NFYA: variants seen among roughly 807,000 people sequenced by gnomAD.
NFYA encodes the protein nuclear transcription factor Y subunit alpha, also known as CAAT-box DNA binding protein subunit A.
In NFYA, 28 loss-of-function variants were observed where a neutral mutation model predicts 52.8. The observed-to-expected ratio is 0.53, with a 90% CI of 0.39 to 0.73. The LOEUF is 0.73. Among genes scored for constraint, NFYA ranks in the 30% least tolerant of loss-of-function variants. NFYA has a pLI of 0.00. For missense variants in NFYA, 234 were observed against 427.0 expected (o/e 0.55, Z 3.98); for synonymous variants, 150 against 150.7 (o/e 1.00, Z 0.03).
At chr6:41,075,457 G>A (rs1378569286) in intron 1 of NFYA, 2 of 151,568 alleles carry the variant, frequency 1.3e-5, no homozygotes, top group East Asian at 1.9e-4. Context: ...TTATAATCTG[G>A]TAACTTTTTT....
chr6:41,078,747 G>A (rs981939521), intron 1 of NFYA, among the ~76,000 whole-genome samples: 10 of 152,174 alleles, frequency 6.6e-5, no homozygotes, highest in African/African-American at 2.4e-4. Flanking sequence ...TCAAAGTGAT[G>A]TAGCTTAACG....
At chr6:41,079,208 A>AT (rs1561850507) in intron 2 of NFYA, 44 bp downstream of exon 2, 1 of 1,558,822 alleles carries the variant, frequency 6.4e-7, no homozygotes, top group Non-Finnish European at 8.9e-7. Flanking sequence ...AATGAAACTG[A>AT]TAACAGCACC....
In NFYA at chr6:41,081,415, A is replaced by G. The variant is rs578049250; in HGVS notation, c.162+518A>G. Among the ~76,000 whole-genome samples, 632 of 152,114 alleles carry G rather than the reference A, an allele frequency of 4.2e-3. 4 individuals are homozygous for G. The highest frequency in any genetic ancestry group is 0.014 in the African/African-American group (564 of 41,496). On this transcript the variant is annotated intron_variant, in intron 3 of 9. Transcript: ENST00000341376. ...TGGAGCAGGAGAATGGCGTGAACCC[A>G]GGAGGCAGAGCTTGCAGTGAGCAGA... is the stretch of plus-strand genomic sequence containing the variant.
At chr6:41,073,977 A>T (rs1275340989) in intron 1 of NFYA, among the ~76,000 whole-genome samples, 4 of 152,028 alleles carry the variant, frequency 2.6e-5, no homozygotes, top group African/African-American at 9.7e-5. Context: ...CTGGAACCTC[A>T]CTCTTAGAAG....
intron 3 of NFYA, among the ~76,000 whole-genome samples, chr6:41,082,466 C>A (rs1763936128): frequency 6.6e-6 from 1 of 152,164 alleles, no homozygotes; most frequent in African/African-American, 2.4e-5. Flanking sequence ...GTTGTAAATA[C>A]AGTGAGCTCT....
In NFYA at chr6:41,097,340, G is replaced by A; in HGVS notation, c.991-17G>A. 1 of 1,613,686 alleles carries A rather than the reference G, an allele frequency of 6.2e-7. No individual in the cohort carries two copies. ...TTTTGCAAAGGACTTTAATCATCAT[G>A]TCATCTTTGTCTCTAGGATCCAAAC... On this transcript the variant is annotated splice_polypyrimidine_tract_variant and intron_variant, in intron 9 of 9. Transcript: ENST00000341376.
rs971241113 is a variant in NFYA at position 41,097,776 on chromosome 6, A to T, written c.*366A>T. On this transcript the variant is annotated 3_prime_UTR_variant, in exon 10 of 10. Transcript: ENST00000341376. ...GAACAACCTTCTCAACCAAAACTGC[A>T]ATCAGGAAAGCAGCAGCCCACTCCT... 1.0e-5 allele frequency: 2 copies of T among 194,554 alleles called. No individual in the cohort carries two copies. The highest frequency in any genetic ancestry group is 2.1e-5 in the Non-Finnish European group (2 of 93,048). The allele number at this position is 194,554 out of a possible 1,614,324, so 12.1% of individuals were successfully genotyped here. A position where few individuals can be genotyped will look rare whatever the true frequency, so the allele number is the denominator to read the frequency against.
rs1405847483 is a variant in NFYA at position 41,073,497 on chromosome 6, C to G, written c.-62+413C>G. Among the ~76,000 whole-genome samples the G allele has an allele frequency of 2.0e-5, 3 of 152,106 alleles. 1 individual carries two copies. The highest frequency in any genetic ancestry group is 2.0e-4 in the Admixed American group (3 of 15,284). ...TCCTCCTGGTCGTTCTGGCCGCAAA[C>G]TTAAACCTGCCCTTGCACTCTCCAC... On this transcript the variant is annotated intron_variant, in intron 1 of 9. Transcript: ENST00000341376.
intron 2 of NFYA, 42 bp from the exon 3 acceptor site, chr6:41,080,769 C>G (rs375120888): frequency 2.9e-5 from 44 of 1,530,066 alleles, no homozygotes; most frequent in Non-Finnish European, 3.8e-5. Flanking sequence ...CTACACATTT[C>G]CTTCCTGACA....
Position 41,097,522 on chromosome 6 carries a change from C to A in NFYA, c.*112C>A. 1.8e-6 allele frequency: 2 copies of A among 1,105,898 alleles called. No homozygotes were observed. The highest frequency in any genetic ancestry group is 2.7e-6 in the Non-Finnish European group (2 of 754,470). 68.5% of individuals were successfully genotyped at this position (1,105,898 alleles called of 1,614,324 possible). ...TCACATTCTGCCCTTTACTACAGGA[C>A]AGAAACCACTTAGTTTTTAATAAGT... On this transcript the variant is annotated 3_prime_UTR_variant, in exon 10 of 10. Transcript: ENST00000341376.
intron 1 of NFYA, among the ~76,000 whole-genome samples, chr6:41,073,401 C>T (rs1019973842): frequency 2.6e-5 from 4 of 151,928 alleles, no homozygotes; most frequent in African/African-American, 7.2e-5. Flanking sequence ...CCCAGGTTCT[C>T]AGGCCCCAGG....
At chr6:41,083,937 A>C (rs1763976459) in intron 3 of NFYA, 109 bp from the exon 4 acceptor site, 3 of 1,088,710 alleles carry the variant, frequency 2.8e-6, no homozygotes, top group Admixed American at 3.3e-5. Context: ...AGTCTTTTCT[A>C]CCTTTTCCTT....
rs75026772 is a variant in NFYA, at chr6:41,091,969, C to T, written c.714+275C>T. On this transcript the variant is annotated intron_variant, in intron 7 of 9. Coordinates refer to ENST00000341376, the MANE Select transcript of NFYA (RefSeq NM_002505.5). ...GGAATTCTTTTCAGAATTCAAATAACGAAGGGAATTATATACTAATCTTTG... is the reference window on the plus strand; with the variant it reads ...GGAATTCTTTTCAGAATTCAAATAATGAAGGGAATTATATACTAATCTTTG... 4.0e-3 allele frequency among the ~76,000 whole-genome samples: 610 copies of T among 151,940 alleles called. 9 individuals carry two copies. The highest frequency in any genetic ancestry group is 0.014 in the African/African-American group (573 of 41,426).
At chr6:41,094,610 C>G in intron 9 of NFYA, 113 bp downstream of exon 9, 2 of 719,770 alleles carry the variant, frequency 2.8e-6, no homozygotes, top group Middle Eastern at 2.5e-4. Context: ...CTCACATTCT[C>G]TAAACTGGAT....
Position 41,101,712 on chromosome 6 carries a change from G to T in NFYA, c.*4302G>T, listed in dbSNP as rs889971023. On this transcript the variant is annotated 3_prime_UTR_variant, in exon 10 of 10. Transcript: ENST00000341376. ...GGTTCTCTAGCCAGACATGAGGAGG[G>T]ATCCTATTGTTTCCCATAGCTAGGC... Among the ~76,000 whole-genome samples the T allele has an allele frequency of 6.6e-6, 1 of 152,174 alleles. No homozygotes were observed. Among genetic ancestry groups the T allele is most frequent in the Non-Finnish European group, 1.5e-5 (1 of 68,032 alleles).
chr6:41,096,414 A>G (rs1009661236), intron 9 of NFYA, among the ~76,000 whole-genome samples: 60 of 152,358 alleles, frequency 3.9e-4, no homozygotes, highest in Admixed American at 2.9e-3. Flanking sequence ...TGTGCTAACA[A>G]TATGATCTTG....
At chr6:41,089,737 G>A (rs911522413) in intron 5 of NFYA, 27 bp downstream of exon 5, 2 of 1,604,462 alleles carry the variant, frequency 1.2e-6, no homozygotes, top group Non-Finnish European at 1.7e-6. Context: ...TGTCACACAG[G>A]AGCAAAACTG....
At chr6:41,084,832 C>T (rs1478063714) in intron 4 of NFYA, among the ~76,000 whole-genome samples, 5 of 152,058 alleles carry the variant, frequency 3.3e-5, no homozygotes, top group Non-Finnish European at 2.9e-5. Flanking sequence ...CGTGGTGGCA[C>T]GCACCTGTAA....
At chr6:41,086,082 T>C (rs1764035493) in intron 4 of NFYA, among the ~76,000 whole-genome samples, 2 of 152,216 alleles carry the variant, frequency 1.3e-5, no homozygotes. Flanking sequence ...TGATTCCCTA[T>C]TGCTATATCC....
Sources: gnomAD v4.1 joint callset for allele counts (sites outside exome capture counted in the v4.1 genomes callset) on GRCh38, gnomAD v4.1.1 for gene constraint, MANE v1.5 for transcripts, NCBI Gene and HGNC (gene_info 2026-07-23, HGNC 2026-07-21) for gene names.